LYPD1: variants seen among roughly 807,000 people sequenced by gnomAD.
The protein encoded by LYPD1 is LY6/PLAUR domain containing 1.
A neutral mutation model predicts 14.2 loss-of-function variants in LYPD1; 14 were observed. That is an observed-to-expected ratio of 0.99 (90% CI 0.65 to 1.54). The LOEUF is 1.54. LYPD1 is among the 40% of genes most tolerant of loss of function. The pLI is 0.00. For missense variants in LYPD1, 165 were observed against 175.7 expected, an observed-to-expected ratio of 0.94 and a Z score of 0.34; for synonymous variants, 85 against 70.6, an observed-to-expected ratio of 1.20 and a Z score of -1.02.
At chr2:132,649,129 C>G (rs1000881123) in intron 2 of LYPD1, among the ~76,000 whole-genome samples, 2 of 152,094 alleles carry the variant, frequency 1.3e-5, no homozygotes, top group Non-Finnish European at 2.9e-5. Flanking sequence ...TGGAGACATT[C>G]AAGAAGAAAA....
chr2:132,643,995 T>TAA lies in LYPD1; in HGVS notation c.*2048_*2049dup, dbSNP rs552020849. Among the ~76,000 whole-genome samples, 127 of 152,348 alleles carry TAA rather than the reference T, an allele frequency of 8.3e-4. No individual in the cohort carries two copies. Among genetic ancestry groups the TAA allele is most frequent in the Non-Finnish European group, 1.6e-3 (106 of 68,022 alleles). On this transcript the variant is annotated 3_prime_UTR_variant, in exon 3 of 3. Coordinates refer to ENST00000397463, the MANE Select transcript of LYPD1 (RefSeq NM_144586.7). ...ATTTCTGAAAATGCAAATCCTGCTT[T>TAA]AAGGTAGCAGCTCTCTACAGGGGAA... is the stretch of plus-strand genomic sequence containing the variant.
intron 2 of LYPD1, among the ~76,000 whole-genome samples, chr2:132,654,523 G>A (rs1287204435): frequency 1.3e-5 from 2 of 152,146 alleles, no homozygotes; most frequent in Non-Finnish European, 2.9e-5. Context: ...AATAGGGTGA[G>A]TGCATAGTCT....
chr2:132,668,667 G>A, intron 1 of LYPD1, 130 bp from the exon 2 acceptor site: 1 of 1,320,582 alleles, frequency 7.6e-7, no homozygotes, highest in Non-Finnish European at 1.0e-6. Context: ...CTGGGTCTCC[G>A]GGTAGGGCTG....
intron 2 of LYPD1, among the ~76,000 whole-genome samples, chr2:132,660,993 A>G (rs777567979): frequency 2.6e-5 from 4 of 152,208 alleles, no homozygotes; most frequent in Non-Finnish European, 5.9e-5. Flanking sequence ...AAATGGACTT[A>G]TCAAGATGCT....
chr2:132,668,567 C>A, intron 1 of LYPD1, 30 bp from the exon 2 acceptor site: 1 of 1,606,580 alleles, frequency 6.2e-7, no homozygotes, highest in South Asian at 1.1e-5. Flanking sequence ...GGGTTCAGAT[C>A]CGGCCCCCAC....
intron 2 of LYPD1, 62 bp from the exon 3 acceptor site, chr2:132,646,342 T>TCAGCCCAAATCCAAA: frequency 8.6e-7 from 1 of 1,168,294 alleles, no homozygotes. Context: ...GCTGTCCCTC[T>TCAGCCCAAATCCAAA]CAGCCCAAAT....
chr2:132,645,628 A>C lies in LYPD1; in HGVS notation c.*417T>G. 6.3e-7 allele frequency: 1 copy of C among 1,597,138 alleles called. No homozygotes were observed. The highest frequency in any genetic ancestry group is 1.1e-5 in the South Asian group (1 of 88,072). On this transcript the variant is annotated 3_prime_UTR_variant, in exon 3 of 3. Coordinates refer to ENST00000397463, the MANE Select transcript of LYPD1 (RefSeq NM_144586.7). ...TTGAATGTCAAGCGAGGGAGCCTTG[A>C]GTGGGAACTGGCCCTCCAGCCCTAA... is the stretch of plus-strand genomic sequence containing the variant.
In LYPD1 at chr2:132,646,023, G is replaced by C. The variant is rs914495326; in HGVS notation, c.*22C>G. ...CGAGGGCTGGAAGAACAATGCAGGA[G>C]GGGGTGGCATCTCCTTCAGCTTCAG... On this transcript the variant is annotated 3_prime_UTR_variant, in exon 3 of 3. Coordinates refer to ENST00000397463, the MANE Select transcript of LYPD1 (RefSeq NM_144586.7). 2.0e-6 allele frequency: 3 copies of C among 1,502,972 alleles called. No individual in the cohort carries two copies. The highest frequency in any genetic ancestry group is 9.0e-7 in the Non-Finnish European group (1 of 1,115,666). 93.1% of individuals were successfully genotyped at this position (1,502,972 alleles called of 1,614,324 possible).
chr2:132,644,645 A>G lies in LYPD1; in HGVS notation c.*1400T>C, dbSNP rs559266778. On this transcript the variant is annotated 3_prime_UTR_variant, in exon 3 of 3. Coordinates refer to ENST00000397463, the MANE Select transcript of LYPD1 (RefSeq NM_144586.7). ...GACACTTCTTCCATTTGATTTAAAA[A>G]TATCACTAGGTCTTCTTTGTGCAGA... 1.3e-5 allele frequency among the ~76,000 whole-genome samples: 2 copies of G among 152,028 alleles called. No individual in the cohort carries two copies. The highest frequency in any genetic ancestry group is 2.4e-5 in the African/African-American group (1 of 41,378).
chr2:132,660,166 A>C (rs971591724), intron 2 of LYPD1, among the ~76,000 whole-genome samples: 1 of 152,258 alleles, frequency 6.6e-6, no homozygotes, highest in Non-Finnish European at 1.5e-5. Flanking sequence ...GTCCATGTCC[A>C]GTGAGAAATG....
rs368512774 is a variant in LYPD1, at chr2:132,669,891, G to A, written c.42C>T (p.Phe14=). 6.2e-7 allele frequency: 1 copy of A among 1,612,856 alleles called. No homozygotes were observed. Among genetic ancestry groups the A allele is most frequent in the Non-Finnish European group, 8.5e-7 (1 of 1,179,426 alleles). The change falls in exon 1 of 3, where the codon TTC becomes TTT. Residue 14 remains phenylalanine, a synonymous_variant. Coordinates refer to ENST00000397463, the MANE Select transcript of LYPD1 (RefSeq NM_144586.7). This position sits in a 1 kb window ranked among gnomAD's most constrained non-coding sequence, Gnocchi z 4.3. ...TCTGGGTATTCTCACCTGGAAGCAA[G>A]AACAATCCGCAAAAAGTTGCCGCGA... The part of the protein sequence containing the change: ...LGIAATFCGL[F]LLPGFALQIQ...
Position 132,670,203 on chromosome 2 carries a change from AG to A in LYPD1, c.-272del. On this transcript the variant is annotated 5_prime_UTR_variant, in exon 1 of 3. Transcript: ENST00000397463. The surrounding 1 kb of genome is among the most constrained non-coding windows in gnomAD (Gnocchi z 4.5). The stretch of plus-strand genomic sequence containing the variant: ...CTCCGGAGTTGGCGGCTGAGACTGA[AG>A]GAACTACTGGCGATCGGGAGCACCC... 9.1e-7 allele frequency: 1 copy of A among 1,100,826 alleles called. No homozygotes were observed. The highest frequency in any genetic ancestry group is 1.2e-6 in the Non-Finnish European group (1 of 843,810). The allele number at this position is 1,100,826 out of a possible 1,614,324, so 68.2% of individuals were successfully genotyped here.
At chr2:132,658,468 C>G (rs1260221786) in intron 2 of LYPD1, among the ~76,000 whole-genome samples, 3 of 152,142 alleles carry the variant, frequency 2.0e-5, no homozygotes, top group African/African-American at 7.2e-5. Context: ...CTGCTTGATG[C>G]CTAGGAGCTG....
chr2:132,649,880 A>ATT (rs373908560), intron 2 of LYPD1, among the ~76,000 whole-genome samples: 4 of 150,282 alleles, frequency 2.7e-5, no homozygotes, highest in Non-Finnish European at 3.0e-5. Context: ...ACCTTGGGAG[A>ATT]TTTTTTTTTT....
chr2:132,665,745 A>G (rs925644453), intron 2 of LYPD1, among the ~76,000 whole-genome samples: 15 of 152,196 alleles, frequency 9.9e-5, no homozygotes, highest in Non-Finnish European at 5.9e-5. Context: ...TCACCCCAGA[A>G]TCATTGGGAA....
chr2:132,666,292 G>A (rs973348470), intron 2 of LYPD1, among the ~76,000 whole-genome samples: 5 of 152,200 alleles, frequency 3.3e-5, no homozygotes, highest in African/African-American at 1.2e-4. Context: ...TGCTTTGGAG[G>A]TATAAGGCCC....
At position 132,649,891 on chromosome 2, in the gene LYPD1, A is replaced by T. The variant is rs543133456; in HGVS notation, c.191-3611T>A. On this transcript the variant is annotated intron_variant, in intron 2 of 2. Transcript: ENST00000397463. ...TGGAACCTTGGGAGATTTTTTTTTT[A>T]TGTAAGAGTTGTAAAGGCTATTCTA... Among the ~76,000 whole-genome samples the T allele has an allele frequency of 2.4e-4, 37 of 151,470 alleles. 1 individual carries two copies. The South Asian group carries it at 7.3e-3, about 30-fold the overall frequency.
chr2:132,646,460 C>G (rs115636398), intron 2 of LYPD1, 180 bp from the exon 3 acceptor site: 4,239 of 412,250 alleles, frequency 0.01, 159 homozygotes, highest in African/African-American at 0.078. Flanking sequence ...GTGAAAGAGA[C>G]AGGCACTATT....
In LYPD1 at chr2:132,645,499, C is replaced by T. The variant is rs1682014169; in HGVS notation, c.*546G>A. The T allele has an allele frequency of 6.2e-7, 1 of 1,613,700 alleles. No homozygotes were observed. ...AAGCACTTTTCAGAGCGAGGCCGAGCCCCAGTCTAAGTCCCAGTCATTGAG... is the reference window on the plus strand; with the variant it reads ...AAGCACTTTTCAGAGCGAGGCCGAGTCCCAGTCTAAGTCCCAGTCATTGAG... On this transcript the variant is annotated 3_prime_UTR_variant, in exon 3 of 3. Transcript: ENST00000397463.
Sources: allele counts gnomAD v4.1 joint callset (sites outside exome capture counted in the v4.1 genomes callset), GRCh38; gene constraint gnomAD v4.1.1; non-coding constraint Gnocchi (gnomAD v3.1); transcripts MANE v1.5; gene names NCBI Gene and HGNC (gene_info 2026-07-23, HGNC 2026-07-21).